EPHA6: variants seen among roughly 807,000 people sequenced by gnomAD.
The protein encoded by EPHA6 is ephrin type-A receptor 6.
In EPHA6, 50 loss-of-function variants were observed where a neutral mutation model predicts 112.0. The ratio of observed to expected loss-of-function variants is 0.45; its 90% confidence interval spans 0.36 to 0.56. The LOEUF is 0.56. Among genes scored for constraint, EPHA6 ranks in the 20% least tolerant of loss-of-function variants. The pLI is 0.00. For missense variants in EPHA6, 1,280 were observed against 1,417.4 expected, an observed-to-expected ratio of 0.90 and a Z score of 1.56; for synonymous variants, 529 against 490.7, an observed-to-expected ratio of 1.08 and a Z score of -1.03.
intron 10 of EPHA6, among the ~76,000 whole-genome samples, chr3:97,522,098 A>G (rs2092553246): frequency 6.6e-6 from 1 of 151,474 alleles, no homozygotes; most frequent in Non-Finnish European, 1.5e-5. Flanking sequence ...TTTTGTTTTT[A>G]AAATGGTCTT....
chr3:97,668,987 C>CATTCATTATGCTAATTAT (rs1316806663), intron 14 of EPHA6, among the ~76,000 whole-genome samples: 2 of 134,120 alleles, frequency 1.5e-5, no homozygotes, highest in Non-Finnish European at 3.1e-5. Flanking sequence ...AACATTCTGA[C>CATTCATTATGCTAATTAT]ATTCATTATG....
chr3:97,286,883 T>C (rs986195805), intron 5 of EPHA6, among the ~76,000 whole-genome samples: 1 of 152,140 alleles, frequency 6.6e-6, no homozygotes, highest in Non-Finnish European at 1.5e-5. Flanking sequence ...ATGGGTTGTC[T>C]TTCCATTTGT....
intron 2 of EPHA6, among the ~76,000 whole-genome samples, chr3:96,891,264 A>G (rs57032895): frequency 9.8e-5 from 15 of 152,342 alleles, no homozygotes; most frequent in African/African-American, 3.6e-4. Context: ...GAAACTGAAA[A>G]AAAATCTGTT....
chr3:97,005,027 A>G (rs918456029), intron 3 of EPHA6, among the ~76,000 whole-genome samples: 2 of 152,178 alleles, frequency 1.3e-5, no homozygotes, highest in East Asian at 3.9e-4. Flanking sequence ...CTTGTAGTAC[A>G]GTTTGATATC....
At chr3:97,657,966 G>A (rs1248151808) in intron 14 of EPHA6, among the ~76,000 whole-genome samples, 1 of 151,712 alleles carries the variant, frequency 6.6e-6, no homozygotes, top group East Asian at 1.9e-4. Context: ...CATTAGATAG[G>A]ACAGAAGTCA....
chr3:97,534,270 A>G (rs956410888), intron 11 of EPHA6, among the ~76,000 whole-genome samples: 4 of 152,106 alleles, frequency 2.6e-5, no homozygotes, highest in Admixed American at 2.6e-4. Flanking sequence ...TATATGTGCT[A>G]GCACTTTATA....
intron 14 of EPHA6, among the ~76,000 whole-genome samples, chr3:97,645,745 G>C (rs145721834): frequency 1.3e-5 from 2 of 151,716 alleles, no homozygotes; most frequent in Admixed American, 6.6e-5. Flanking sequence ...CCCTTGATAC[G>C]TATATATTTT....
intron 16 of EPHA6, among the ~76,000 whole-genome samples, chr3:97,736,743 T>G (rs1385422831): frequency 2.0e-5 from 3 of 151,814 alleles, no homozygotes; most frequent in Admixed American, 1.3e-4. Flanking sequence ...TGAGAAGATC[T>G]ACTCACCTCC....
chr3:96,915,096 T>C (rs1003807381), intron 2 of EPHA6, among the ~76,000 whole-genome samples: 9 of 151,870 alleles, frequency 5.9e-5, no homozygotes, highest in African/African-American at 1.9e-4. Flanking sequence ...TATCAAGGGA[T>C]GGATTTTTAA....
intron 11 of EPHA6, among the ~76,000 whole-genome samples, chr3:97,542,865 G>C (rs191857532): frequency 1.3e-5 from 2 of 152,034 alleles, no homozygotes; most frequent in African/African-American, 4.8e-5. Context: ...GCATTTTTTC[G>C]TGTGTTTTTT....
At chr3:97,616,115 G>A (rs1279608365) in intron 13 of EPHA6, among the ~76,000 whole-genome samples, 2 of 152,180 alleles carry the variant, frequency 1.3e-5, no homozygotes, top group South Asian at 2.1e-4. Context: ...AGCTCACAGA[G>A]GAAGGGCCAT....
intron 14 of EPHA6, among the ~76,000 whole-genome samples, chr3:97,667,360 A>G (rs1413661418): frequency 6.6e-6 from 1 of 152,238 alleles, no homozygotes; most frequent in Non-Finnish European, 1.5e-5. Flanking sequence ...AAAATGTGAC[A>G]TTATAGAATA....
intron 16 of EPHA6, among the ~76,000 whole-genome samples, chr3:97,740,883 C>CT (rs879437501): frequency 1.1e-3 from 165 of 148,218 alleles, no homozygotes; most frequent in East Asian, 2.8e-3. Flanking sequence ...TCATAGACAA[C>CT]TTTTTTTTTT....
intron 3 of EPHA6, among the ~76,000 whole-genome samples, chr3:97,084,911 A>T (rs181925843): frequency 2.6e-5 from 4 of 152,284 alleles, no homozygotes; most frequent in African/African-American, 9.6e-5. Context: ...ATTCCAAAAA[A>T]TACTTGTGAG....
chr3:97,061,700 T>C (rs2046026691), intron 3 of EPHA6, among the ~76,000 whole-genome samples: 1 of 152,146 alleles, frequency 6.6e-6, no homozygotes, highest in Non-Finnish European at 1.5e-5. Flanking sequence ...TGAAAGTCAC[T>C]TAAACAATGA....
At chr3:97,097,993 A>G (rs1260740619) in intron 3 of EPHA6, among the ~76,000 whole-genome samples, 1 of 151,968 alleles carries the variant, frequency 6.6e-6, no homozygotes, top group Non-Finnish European at 1.5e-5. Context: ...ACGTTTAAGA[A>G]TTTGAATTTA....
intron 14 of EPHA6, among the ~76,000 whole-genome samples, chr3:97,646,785 G>A (rs943998023): frequency 1.3e-5 from 2 of 152,172 alleles, no homozygotes; most frequent in African/African-American, 4.8e-5. Flanking sequence ...TATGTGAAAT[G>A]GGTTTACTTC....
chr3:96,879,908 A>G (rs1330041894), intron 2 of EPHA6, among the ~76,000 whole-genome samples: 1 of 151,888 alleles, frequency 6.6e-6, no homozygotes, highest in Non-Finnish European at 1.5e-5. Context: ...CTTTTGGAGG[A>G]GTCTTTAGGG....
intron 3 of EPHA6, among the ~76,000 whole-genome samples, chr3:97,210,484 A>G (rs2077838933): frequency 6.6e-6 from 1 of 152,144 alleles, no homozygotes; most frequent in Non-Finnish European, 1.5e-5. Context: ...TGGGGATTAC[A>G]GTTTGAGATG....
Sources: allele counts gnomAD v4.1 joint callset (sites outside exome capture counted in the v4.1 genomes callset), GRCh38; gene constraint gnomAD v4.1.1; transcripts MANE v1.5; gene names NCBI Gene and HGNC (gene_info 2026-07-23, HGNC 2026-07-21).